Variants in KSR2 observed in about 807,000 individuals in gnomAD.
KSR2 encodes the protein kinase suppressor of ras 2.
KSR2 carries 25 observed loss-of-function variants against 107.8 expected under a neutral mutation model. The ratio of observed to expected loss-of-function variants is 0.23; its 90% confidence interval spans 0.17 to 0.32. The LOEUF (loss-of-function observed/expected upper bound fraction) is 0.32. Ranked by LOEUF, KSR2 falls within the 10% of genes least tolerant of loss-of-function variation. KSR2 has a pLI of 1.00. For missense variants in KSR2, 887 were observed against 1,268.9 expected, an observed-to-expected ratio of 0.70 and a Z score of 4.57; for synonymous variants, 480 against 507.0, an observed-to-expected ratio of 0.95 and a Z score of 0.71.
chr12:117,657,976 G>A lies in KSR2; in HGVS notation c.1171+9498C>T, dbSNP rs140072439. Among the ~76,000 whole-genome samples the A allele has an allele frequency of 3.4e-3, 512 of 152,304 alleles. 4 individuals carry two copies. The highest frequency in any genetic ancestry group is 0.011 in the African/African-American group (457 of 41,562). On this transcript the variant is annotated intron_variant, in intron 5 of 19. Transcript: ENST00000339824. The stretch of plus-strand genomic sequence containing the variant: ...AAAGAAAAGTACAGAGATGAGAAAA[G>A]GTGTAACTGATCTAACTTAGAATGT...
chr12:117,740,608 AAAATATACATATAT>A (rs1202649090), intron 4 of KSR2, among the ~76,000 whole-genome samples: 1,559 of 92,022 alleles, frequency 0.017, 34 homozygotes, highest in African/African-American at 0.047. Context: ...ATATAGATGT[AAAATATACATATAT>A]TATATATGTA....
chr12:117,714,644 T>C (rs1886910209), intron 4 of KSR2, among the ~76,000 whole-genome samples: 2 of 152,304 alleles, frequency 1.3e-5, no homozygotes, highest in South Asian at 2.1e-4. Flanking sequence ...CCAGTCTCTC[T>C]GCTTCTCAGC....
chr12:117,744,297 A>C (rs1357913547), intron 4 of KSR2, among the ~76,000 whole-genome samples: 1 of 152,202 alleles, frequency 6.6e-6, no homozygotes, highest in Non-Finnish European at 1.5e-5. Flanking sequence ...ATGGAGTAAC[A>C]GGCCCACCCT....
chr12:117,627,185 A>T (rs1172308314), intron 5 of KSR2, among the ~76,000 whole-genome samples: 1 of 152,146 alleles, frequency 6.6e-6, no homozygotes, highest in East Asian at 1.9e-4. Context: ...TAATTGGGGC[A>T]TTTAGCCCAT....
At chr12:117,538,562 G>T (rs1168984705) in intron 10 of KSR2, among the ~76,000 whole-genome samples, 2 of 152,056 alleles carry the variant, frequency 1.3e-5, no homozygotes, top group African/African-American at 4.8e-5. Context: ...ATAGTGTGAA[G>T]CTTGTTGACT....
intron 1 of KSR2, among the ~76,000 whole-genome samples, chr12:117,896,399 T>C (rs1034056000): frequency 1.3e-5 from 2 of 151,640 alleles, no homozygotes; most frequent in South Asian, 2.1e-4. Flanking sequence ...TGACTGCTAA[T>C]GTGAGGTTCC....
At chr12:117,594,097 T>G (rs1442369769) in intron 5 of KSR2, among the ~76,000 whole-genome samples, 1 of 152,220 alleles carries the variant, frequency 6.6e-6, no homozygotes, top group African/African-American at 2.4e-5. Context: ...CGGAGTTGTC[T>G]GAGCTGAAAT....
intron 3 of KSR2, among the ~76,000 whole-genome samples, chr12:117,797,917 C>T (rs368349021): frequency 8.5e-5 from 13 of 152,170 alleles, no homozygotes; most frequent in Middle Eastern, 3.4e-3. Flanking sequence ...TCCCAAAGTG[C>T]GAGGATTACA....
At chr12:117,887,005 C>T (rs1414275779) in intron 1 of KSR2, among the ~76,000 whole-genome samples, 2 of 152,154 alleles carry the variant, frequency 1.3e-5, no homozygotes, top group Non-Finnish European at 2.9e-5. Flanking sequence ...CTCGCTGCAG[C>T]CTCGACCTCC....
At chr12:117,734,325 A>G (rs1419536101) in intron 4 of KSR2, among the ~76,000 whole-genome samples, 1 of 151,450 alleles carries the variant, frequency 6.6e-6, no homozygotes, top group Non-Finnish European at 1.5e-5. Context: ...GACTACACAG[A>G]GGCATTATTT....
intron 7 of KSR2, among the ~76,000 whole-genome samples, chr12:117,568,077 G>T (rs887886462): frequency 2.6e-5 from 4 of 152,280 alleles, no homozygotes; most frequent in Non-Finnish European, 5.9e-5. Context: ...CAGACCTCGG[G>T]TTCCAAGGAC....
intron 4 of KSR2, among the ~76,000 whole-genome samples, chr12:117,738,576 T>C (rs527743876): frequency 8.9e-4 from 135 of 152,140 alleles, no homozygotes; most frequent in African/African-American, 3.1e-3. Flanking sequence ...AAAAAAGATA[T>C]TAAAGACAAA....
intron 8 of KSR2, among the ~76,000 whole-genome samples, chr12:117,556,316 C>T (rs1877692776): frequency 6.6e-6 from 1 of 152,120 alleles, no homozygotes; most frequent in Admixed American, 6.5e-5. Flanking sequence ...CTAGCAAAAC[C>T]CTCTACGGAG....
intron 9 of KSR2, 93 bp downstream of exon 9, chr12:117,555,076 C>T (rs1440022099): frequency 2.7e-5 from 40 of 1,477,396 alleles, no homozygotes; most frequent in African/African-American, 8.3e-5. Context: ...TAGGAGGGAG[C>T]GCCATACTCC....
chr12:117,948,957 G>A (rs1341336629), intron 1 of KSR2, among the ~76,000 whole-genome samples: 1 of 152,082 alleles, frequency 6.6e-6, no homozygotes, highest in Non-Finnish European at 1.5e-5. Flanking sequence ...AGCCGGGCAT[G>A]GTGGCGGGTG....
At chr12:117,531,465 C>T (rs1346607348) in intron 11 of KSR2, among the ~76,000 whole-genome samples, 7 of 152,160 alleles carry the variant, frequency 4.6e-5, no homozygotes, top group African/African-American at 1.7e-4. Flanking sequence ...TCCACGGTGC[C>T]TTGGGACCTC....
At chr12:117,539,059 C>T (rs1753208094) in intron 10 of KSR2, among the ~76,000 whole-genome samples, 1 of 152,258 alleles carries the variant, frequency 6.6e-6, no homozygotes, top group South Asian at 2.1e-4. Flanking sequence ...TCTCTACTAT[C>T]ATCTCATAGC....
chr12:117,780,811 A>C (rs1226665762), intron 3 of KSR2, among the ~76,000 whole-genome samples: 3 of 152,354 alleles, frequency 2.0e-5, no homozygotes, highest in Admixed American at 1.3e-4. Context: ...TCTCTTGGAC[A>C]TACAATGTCT....
intron 5 of KSR2, among the ~76,000 whole-genome samples, chr12:117,601,432 G>A (rs1880949026): frequency 6.6e-6 from 1 of 152,100 alleles, no homozygotes; most frequent in Non-Finnish European, 1.5e-5. Flanking sequence ...TACCATCCTG[G>A]GTTCGTGTGG....
Sources: gnomAD v4.1 joint callset for allele counts (sites outside exome capture counted in the v4.1 genomes callset) on GRCh38, gnomAD v4.1.1 for gene constraint, MANE v1.5 for transcripts, NCBI Gene and HGNC (gene_info 2026-07-23, HGNC 2026-07-21) for gene names.